TEAD4: variants seen among roughly 807,000 people sequenced by gnomAD.
TEAD4 encodes TEA domain transcription factor 4, also known as transcriptional enhancer factor TEF-3.
In TEAD4, 36 loss-of-function variants were observed where a neutral mutation model predicts 52.4. The observed-to-expected ratio is 0.69, with a 90% CI of 0.53 to 0.91. The LOEUF is 0.91. Among genes scored for constraint, TEAD4 ranks in the 40% least tolerant of loss-of-function variants. TEAD4 has a pLI of 0.00. For missense variants in TEAD4, 508 were observed against 583.9 expected (o/e 0.87, Z 1.34); for synonymous variants, 220 against 231.0 (o/e 0.95, Z 0.43).
rs111690964 is a variant in TEAD4, at chr12:2,970,925, T to C, written c.-30+10885T>C. 7.9e-4 allele frequency among the ~76,000 whole-genome samples: 121 copies of C among 152,326 alleles called. 1 individual carries two copies. Among genetic ancestry groups the C allele is most frequent in the African/African-American group, 2.8e-3 (117 of 41,586 alleles). ...GGAGGTTGAAGCAATAGTTGCTGCT[T>C]ATGCAAGAGAAGAAGTAAGCTGTAC... On this transcript the variant is annotated intron_variant, in intron 2 of 12. Coordinates refer to ENST00000359864, the MANE Select transcript of TEAD4 (RefSeq NM_003213.4).
chr12:3,022,060 C>T (rs756684227), intron 10 of TEAD4, 43 bp downstream of exon 10: 19 of 1,605,998 alleles, frequency 1.2e-5, no homozygotes, highest in South Asian at 5.6e-5. Context: ...CCAGCGTGTC[C>T]GTGGTAGTGA....
rs542390241 is a variant in TEAD4 at position 3,020,243 on chromosome 12, A to G, written c.584-391A>G. ...GTCCCCGTCTCTCCGGGATGATGCC[A>G]TATTGTAATAGTGGATTCATCTGGT... is the stretch of plus-strand genomic sequence containing the variant. On this transcript the variant is annotated intron_variant, in intron 8 of 12. Coordinates refer to ENST00000359864, the MANE Select transcript of TEAD4 (RefSeq NM_003213.4). 1.5e-4 allele frequency among the ~76,000 whole-genome samples: 23 copies of G among 152,300 alleles called. No homozygotes were observed. In the South Asian group the frequency reaches 4.8e-3, roughly 32 times the overall value.
chr12:2,984,450 G>A (rs974911395), intron 2 of TEAD4, among the ~76,000 whole-genome samples: 2 of 152,114 alleles, frequency 1.3e-5, no homozygotes, highest in African/African-American at 4.8e-5. Context: ...ACATGTAGGC[G>A]ACAGAAAGAC....
At chr12:2,977,534 C>T (rs2098230772) in intron 2 of TEAD4, among the ~76,000 whole-genome samples, 4 of 152,218 alleles carry the variant, frequency 2.6e-5, no homozygotes, top group Admixed American at 6.5e-5. Flanking sequence ...GAAGGTGCTG[C>T]CGTGCATTGC....
chr12:2,983,285 C>A (rs896150183), intron 2 of TEAD4, among the ~76,000 whole-genome samples: 5 of 152,194 alleles, frequency 3.3e-5, no homozygotes, highest in African/African-American at 9.7e-5. Context: ...CTGACTGTGT[C>A]AGGCCCTACG....
intron 2 of TEAD4, among the ~76,000 whole-genome samples, chr12:2,991,150 G>A (rs925212286): frequency 2.6e-5 from 4 of 152,142 alleles, no homozygotes; most frequent in Non-Finnish European, 5.9e-5. Flanking sequence ...ACTAAGCTAT[G>A]ATCTTGCCAG....
chr12:3,013,459 C>T (rs964430769), intron 5 of TEAD4, among the ~76,000 whole-genome samples: 1 of 152,106 alleles, frequency 6.6e-6, no homozygotes, highest in Non-Finnish European at 1.5e-5. Context: ...TACTGGGAGG[C>T]CAGGCGCGGT....
At chr12:2,966,593 A>G (rs1437117432) in intron 2 of TEAD4, among the ~76,000 whole-genome samples, 1 of 151,144 alleles carries the variant, frequency 6.6e-6, no homozygotes, top group African/African-American at 2.4e-5. Context: ...TTGTATTTTT[A>G]GTAGAAACAG....
intron 5 of TEAD4, among the ~76,000 whole-genome samples, chr12:3,014,508 G>A (rs1215246448): frequency 6.6e-6 from 1 of 152,242 alleles, no homozygotes; most frequent in Admixed American, 6.5e-5. Flanking sequence ...AAAGGATCTA[G>A]AACCCAAAGT....
In TEAD4 at chr12:2,994,510, A is replaced by T. The variant is rs1391085466; in HGVS notation, c.-29-228A>T. ...TCAGCCCTTGTCTGGGTTCCTTGAT[A>T]CCAGGGAGTGCCTAGGTCATTGTGC... On this transcript the variant is annotated intron_variant, in intron 2 of 12. Transcript: ENST00000359864. This position sits in a 1 kb window ranked among gnomAD's most constrained non-coding sequence, Gnocchi z 4.7. Among the ~76,000 whole-genome samples the T allele has an allele frequency of 6.6e-6, 1 of 152,126 alleles. No homozygotes were observed. The highest frequency in any genetic ancestry group is 1.5e-5 in the Non-Finnish European group (1 of 68,014).
At chr12:3,001,322 C>G (rs1425873024) in intron 3 of TEAD4, among the ~76,000 whole-genome samples, 3 of 152,144 alleles carry the variant, frequency 2.0e-5, no homozygotes, top group East Asian at 1.9e-4. Context: ...TTTTGTGCAA[C>G]CATCATCACC....
chr12:3,037,460 G>A (rs932451199), intron 10 of TEAD4, among the ~76,000 whole-genome samples: 1 of 152,186 alleles, frequency 6.6e-6, no homozygotes, highest in Non-Finnish European at 1.5e-5. Flanking sequence ...GAGACAAGAG[G>A]ATGAGACAGG....
chr12:2,977,288 C>T (rs967026021), intron 2 of TEAD4, among the ~76,000 whole-genome samples: 5 of 151,020 alleles, frequency 3.3e-5, no homozygotes, highest in Non-Finnish European at 7.4e-5. Flanking sequence ...CCCCAGGCGT[C>T]TCTCTCTCTC....
chr12:3,002,745 T>C (rs1208965150), intron 3 of TEAD4, among the ~76,000 whole-genome samples: 1 of 152,116 alleles, frequency 6.6e-6, no homozygotes, highest in Non-Finnish European at 1.5e-5. Context: ...ACTCACAGTG[T>C]GGCGGGGGAG....
At chr12:2,964,318 G>T (rs1462433298) in intron 2 of TEAD4, among the ~76,000 whole-genome samples, 1 of 152,202 alleles carries the variant, frequency 6.6e-6, no homozygotes, top group East Asian at 1.9e-4. Context: ...GGCTGGTGTT[G>T]TTGCTCCCTG....
At chr12:2,972,199 C>CT (rs1467719250) in intron 2 of TEAD4, among the ~76,000 whole-genome samples, 3 of 152,232 alleles carry the variant, frequency 2.0e-5, no homozygotes, top group African/African-American at 7.2e-5. Context: ...CTGCCTCAGC[C>CT]TCCTGAGTAG....
At chr12:2,986,955 A>T (rs1241007791) in intron 2 of TEAD4, among the ~76,000 whole-genome samples, 1 of 152,124 alleles carries the variant, frequency 6.6e-6, no homozygotes, top group Non-Finnish European at 1.5e-5. Flanking sequence ...GGCTGACTGA[A>T]ATTTTGTTAT....
intron 10 of TEAD4, among the ~76,000 whole-genome samples, chr12:3,027,140 C>T (rs1158067168): frequency 2.0e-5 from 3 of 151,966 alleles, no homozygotes; most frequent in Admixed American, 1.3e-4. Context: ...TACAGGTGCC[C>T]GCTACCACGC....
intron 3 of TEAD4, among the ~76,000 whole-genome samples, chr12:2,996,235 G>A (rs1276097604): frequency 1.3e-5 from 2 of 151,816 alleles, no homozygotes; most frequent in African/African-American, 2.4e-5. Flanking sequence ...CCACCCCCAC[G>A]GGTTTCCATT....
Sources: allele counts gnomAD v4.1 joint callset (sites outside exome capture counted in the v4.1 genomes callset), GRCh38; gene constraint gnomAD v4.1.1; non-coding constraint Gnocchi (gnomAD v3.1); transcripts MANE v1.5; gene names NCBI Gene and HGNC (gene_info 2026-07-23, HGNC 2026-07-21).